The following CELF2 variants were observed in gnomAD, a reference collection of about 807,000 sequenced individuals.
CELF2 encodes CUG triplet repeat RNA-binding protein 2.
In CELF2, 8 loss-of-function variants were observed where a neutral mutation model predicts 62.6. That is an observed-to-expected ratio of 0.13 (90% confidence interval 0.07 to 0.23). The LOEUF (loss-of-function observed/expected upper bound fraction) is 0.23, where lower values mean the gene tolerates loss of function less well. Among genes scored for constraint, CELF2 ranks in the 10% least tolerant of loss-of-function variants. CELF2 has a pLI of 1.00. For synonymous variants in CELF2, 258 were observed against 250.0 expected, an observed-to-expected ratio of 1.03 and a Z score of -0.30; for missense variants, 333 against 671.0, an observed-to-expected ratio of 0.50 and a Z score of 5.56.
At chr10:10,572,016 T>C in the CELF2 span, among the ~76,000 whole-genome samples, 1 of 152,056 alleles carries the variant, frequency 6.6e-6, no homozygotes, top group African/African-American at 2.4e-5. Context: ...GGGCAGAGCA[T>C]GTTGTAAGAA....
chr10:10,834,750 G>T (rs957112129), intron 1 of CELF2, among the ~76,000 whole-genome samples: 1 of 152,148 alleles, frequency 6.6e-6, no homozygotes, highest in Non-Finnish European at 1.5e-5. Flanking sequence ...ACAAAACTTT[G>T]GTTTGATGTG....
intron 5 of CELF2, among the ~76,000 whole-genome samples, chr10:11,261,190 C>G (rs1232109753): frequency 2.6e-5 from 4 of 152,276 alleles, no homozygotes; most frequent in African/African-American, 9.6e-5. Flanking sequence ...CCCAGTTCAC[C>G]TAGGAGGATG....
rs754786946 is a variant in CELF2, at chr10:11,288,434, G to T, written c.858G>T (p.Gln286His). 8.7e-6 allele frequency: 14 copies of T among 1,614,128 alleles called. No homozygotes were observed. Among genetic ancestry groups the T allele is most frequent in the Non-Finnish European group, 1.2e-5 (14 of 1,180,040 alleles). ...CCTCCACAGGCATGAATGCTTTACA[G>T]TTGCAGAACCTGGCGACGCTGGCTG... ...IQQMAGMNAL[Q>H]LQNLATLAAA... is the part of the protein sequence containing the mutation. Residue 286 changes from glutamine (Q) to histidine (H), a missense_variant, in exon 9 of 13, where the codon CAG becomes CAT. Physicochemically the swap from Gln to His is conservative, Grantham distance 24. Coordinates refer to ENST00000633077, the MANE Select transcript of CELF2 (RefSeq NM_001326342.2).
the CELF2 span, among the ~76,000 whole-genome samples, chr10:10,560,847 TG>T: frequency 1.3e-5 from 2 of 152,198 alleles, no homozygotes; most frequent in Admixed American, 1.3e-4. Flanking sequence ...TAAAAAGGAA[TG>T]AATTAACAGC....
chr10:10,790,464 G>A, the CELF2 span, among the ~76,000 whole-genome samples: 1,067 of 152,172 alleles, frequency 7.0e-3, 9 homozygotes, highest in African/African-American at 0.018. Flanking sequence ...AAAACCATTG[G>A]TCCTTTTATA....
At chr10:11,304,980 G>A (rs2094088765) in intron 9 of CELF2, among the ~76,000 whole-genome samples, 1 of 152,142 alleles carries the variant, frequency 6.6e-6, no homozygotes, top group African/African-American at 2.4e-5. Flanking sequence ...TCCAGGAATG[G>A]CGCTGTTTGA....
the CELF2 span, among the ~76,000 whole-genome samples, chr10:10,758,369 T>C: frequency 6.6e-6 from 1 of 152,208 alleles, no homozygotes; most frequent in Non-Finnish European, 1.5e-5. Flanking sequence ...CAGAGTTCTA[T>C]AAGGAATTAT....
the CELF2 span, among the ~76,000 whole-genome samples, chr10:10,513,718 G>T: frequency 6.6e-6 from 1 of 152,112 alleles, no homozygotes; most frequent in Non-Finnish European, 1.5e-5. Context: ...TTTTTTAAAA[G>T]ACTTTTAACT....
rs1405786887 is a variant in CELF2, at chr10:11,331,783, T to C, written c.*2730T>C. ...GCACATCAGTGCTGTGAAGGCAACC[T>C]CACCATGTATTTTCTTCATAATCTA... On this transcript the variant is annotated 3_prime_UTR_variant, in exon 13 of 13. Coordinates refer to ENST00000633077, the MANE Select transcript of CELF2 (RefSeq NM_001326342.2). 1 of 152,620 alleles carries C rather than the reference T, an allele frequency of 6.6e-6. No homozygotes were observed. Among genetic ancestry groups the C allele is most frequent in the Non-Finnish European group, 1.5e-5 (1 of 68,032 alleles). The allele number at this position is 152,620 out of a possible 1,614,324, so 9.5% of individuals were successfully genotyped here. A position where few individuals can be genotyped will look rare whatever the true frequency, so the allele number is the denominator to read the frequency against.
Position 11,255,280 on chromosome 10 carries a change from A to G in CELF2, c.404-2458A>G, listed in dbSNP as rs141237393. Among the ~76,000 whole-genome samples the G allele has an allele frequency of 6.6e-6, 1 of 152,116 alleles. No individual in the cohort carries two copies. Among genetic ancestry groups the G allele is most frequent in the South Asian group, 2.1e-4 (1 of 4,830 alleles). ...TTGGAGCCCGGGGTGCCTGTTGCCC[A>G]TGTCTCCTCCGAGTCTGAACACAAG... is the stretch of plus-strand genomic sequence containing the variant. On this transcript the variant is annotated intron_variant, in intron 4 of 12. Coordinates refer to ENST00000633077, the MANE Select transcript of CELF2 (RefSeq NM_001326342.2). This position sits in a 1 kb window ranked among gnomAD's most constrained non-coding sequence, Gnocchi z 5.5.
At chr10:10,892,653 G>A (rs1458614986) in intron 1 of CELF2, among the ~76,000 whole-genome samples, 1 of 152,162 alleles carries the variant, frequency 6.6e-6, no homozygotes, top group Non-Finnish European at 1.5e-5. Flanking sequence ...AGTTCCCATT[G>A]TGATTTGAAC....
At position 11,156,684 on chromosome 10, in the gene CELF2, A is replaced by G. The variant is rs1273867062; in HGVS notation, c.75-8802A>G. On this transcript the variant is annotated intron_variant, in intron 1 of 12. Coordinates refer to ENST00000633077, the MANE Select transcript of CELF2 (RefSeq NM_001326342.2). The surrounding 1 kb of genome is among the most constrained non-coding windows in gnomAD (Gnocchi z 4.3). ...GAATGAATGAGACATCCCTGTCTTC[A>G]GGATGTCACACTTCCACCATGCACT... Among the ~76,000 whole-genome samples, 1 of 152,220 alleles carries G rather than the reference A, an allele frequency of 6.6e-6. No homozygotes were observed. The highest frequency in any genetic ancestry group is 1.5e-5 in the Non-Finnish European group (1 of 68,038).
chr10:11,299,550 T>A (rs2093517364), intron 9 of CELF2, among the ~76,000 whole-genome samples: 1 of 152,150 alleles, frequency 6.6e-6, no homozygotes, highest in African/African-American at 2.4e-5. Context: ...TCCTTGCCCT[T>A]TCTCTTCAGA....
intron 2 of CELF2, among the ~76,000 whole-genome samples, chr10:10,992,272 A>G (rs1397541508): frequency 6.6e-6 from 1 of 152,188 alleles, no homozygotes; most frequent in African/African-American, 2.4e-5. Flanking sequence ...TTGGCTTTCA[A>G]TTGTGAGTTG....
chr10:11,149,607 A>G (rs1273583002), intron 1 of CELF2, among the ~76,000 whole-genome samples: 1 of 152,166 alleles, frequency 6.6e-6, no homozygotes, highest in Non-Finnish European at 1.5e-5. Flanking sequence ...GTCAGGACAC[A>G]TTTCGTGTTC....
chr10:10,651,018 C>T, the CELF2 span, among the ~76,000 whole-genome samples: 8 of 151,816 alleles, frequency 5.3e-5, no homozygotes, highest in Admixed American at 2.6e-4. Context: ...GTGCGCGCAC[C>T]GTGCGCGAGC....
chr10:10,651,938 C>T, the CELF2 span, among the ~76,000 whole-genome samples: 1 of 151,060 alleles, frequency 6.6e-6, no homozygotes, highest in Non-Finnish European at 1.5e-5. Flanking sequence ...TACGGGAGGA[C>T]ATTCAAACCA....
Position 11,260,649 on chromosome 10 carries a change from G to GT in CELF2, c.538+2791dup, listed in dbSNP as rs76019888. 0.032 allele frequency among the ~76,000 whole-genome samples: 4,478 copies of GT among 141,424 alleles called. 144 individuals carry two copies. Among genetic ancestry groups the GT allele is most frequent in the African/African-American group, 0.083 (3,231 of 38,922 alleles). 92.8% of individuals were successfully genotyped at this position (141,424 alleles called of 152,430 possible). A position where few individuals can be genotyped will look rare whatever the true frequency, so the allele number is the denominator to read the frequency against. On this transcript the variant is annotated intron_variant, in intron 5 of 12. Transcript: ENST00000633077. This position sits in a 1 kb window ranked among gnomAD's most constrained non-coding sequence, Gnocchi z 4.2. The stretch of plus-strand genomic sequence containing the variant: ...GGAGAAAACTTTTCCCTCCCCATCT[G>GT]TTTTTTTTTTTTTTAAACAGCAGAA...
At chr10:11,144,170 G>A (rs2061830981) in intron 1 of CELF2, among the ~76,000 whole-genome samples, 1 of 152,098 alleles carries the variant, frequency 6.6e-6, no homozygotes, top group Non-Finnish European at 1.5e-5. Context: ...GAAGACATTT[G>A]CAGCTCTGCA....
Sources: allele counts gnomAD v4.1 joint callset (sites outside exome capture counted in the v4.1 genomes callset), GRCh38; gene constraint gnomAD v4.1.1; non-coding constraint Gnocchi (gnomAD v3.1); transcripts MANE v1.5; gene names NCBI Gene and HGNC (gene_info 2026-07-23, HGNC 2026-07-21).